Variants in CAMTA1 observed in about 807,000 individuals in gnomAD.
The protein encoded by CAMTA1 is calmodulin binding transcription activator 1.
CAMTA1 carries 27 observed loss-of-function variants against 170.9 expected under a neutral mutation model. The observed-to-expected ratio is 0.16, with a 90% CI of 0.12 to 0.22. CAMTA1 has a LOEUF of 0.22. Among genes scored for constraint, CAMTA1 ranks in the 10% least tolerant of loss-of-function variants. The probability of loss-of-function intolerance (pLI) is 1.00; values close to 1 mark genes in which losing one functional copy is unlikely to be tolerated. For synonymous variants in CAMTA1, 833 were observed against 891.5 expected (o/e 0.93, Z 1.17); for missense variants, 1,619 against 2,217.2 (o/e 0.73, Z 5.42).
chr1:7,272,003 G>A (rs1041654024), intron 5 of CAMTA1, among the ~76,000 whole-genome samples: 1 of 151,992 alleles, frequency 6.6e-6, no homozygotes, highest in Admixed American at 6.6e-5. Context: ...TGAATTCCCT[G>A]GTGAATTCTA....
intron 6 of CAMTA1, among the ~76,000 whole-genome samples, chr1:7,496,077 C>T (rs113444384): frequency 2.6e-5 from 4 of 152,162 alleles, no homozygotes; most frequent in African/African-American, 7.2e-5. Context: ...CGGAGGGGAG[C>T]GGCCTGTGCA....
chr1:6,874,653 A>G (rs1191994452), intron 3 of CAMTA1, among the ~76,000 whole-genome samples: 2 of 152,218 alleles, frequency 1.3e-5, no homozygotes, highest in African/African-American at 4.8e-5. Flanking sequence ...AACAGATGCA[A>G]GTTCAGGTGC....
chr1:7,275,277 A>G lies in CAMTA1; in HGVS notation c.438+25651A>G, dbSNP rs553825247. On this transcript the variant is annotated intron_variant, in intron 5 of 22. Transcript: ENST00000303635. Reference sequence around the variant, plus strand: ...ATTTATAGTTTGAAGTGCTTACACTATATTTACATTAAAATCAGTAAATGT... The same window carrying G: ...ATTTATAGTTTGAAGTGCTTACACTGTATTTACATTAAAATCAGTAAATGT... Among the ~76,000 whole-genome samples, 15 of 152,210 alleles carry G rather than the reference A, an allele frequency of 9.9e-5. No homozygotes were observed. In the South Asian group the frequency reaches 2.7e-3, roughly 27 times the overall value.
intron 4 of CAMTA1, among the ~76,000 whole-genome samples, chr1:7,246,666 C>G (rs1281545195): frequency 1.6e-5 from 2 of 122,630 alleles, no homozygotes; most frequent in Non-Finnish European, 3.4e-5. Flanking sequence ...CCAGCTCTGA[C>G]CTGCTTTTTT....
intron 3 of CAMTA1, among the ~76,000 whole-genome samples, chr1:6,996,583 C>G (rs1201341134): frequency 6.6e-6 from 1 of 152,058 alleles, no homozygotes; most frequent in East Asian, 1.9e-4. Flanking sequence ...TTAACCCAAG[C>G]TCTCCTCTGA....
intron 6 of CAMTA1, among the ~76,000 whole-genome samples, chr1:7,497,592 G>A (rs560584224): frequency 1.3e-5 from 2 of 152,298 alleles, no homozygotes; most frequent in East Asian, 1.9e-4. Flanking sequence ...AATCTCTCAC[G>A]TCACATTGCG....
Position 7,740,584 on chromosome 1 carries a change from G to A in CAMTA1, c.4182+2102G>A, listed in dbSNP as rs140183515. ...ACTAGACCTTCCCACAGTGGTGGAC[G>A]TGCCTTCTATCCATACCACGCACCG... On this transcript the variant is annotated intron_variant, in intron 16 of 22. Transcript: ENST00000303635. Among the ~76,000 whole-genome samples the A allele has an allele frequency of 2.1e-3, 323 of 152,352 alleles. 1 individual carries two copies. Among genetic ancestry groups the A allele is most frequent in the African/African-American group, 7.5e-3 (311 of 41,584 alleles).
chr1:7,512,833 C>T (rs1396099954), intron 6 of CAMTA1, among the ~76,000 whole-genome samples: 3 of 152,064 alleles, frequency 2.0e-5, no homozygotes, highest in African/African-American at 7.2e-5. Flanking sequence ...AGGGAGGGAG[C>T]CAGGAGAAGA....
chr1:7,503,446 G>A (rs2149814903), intron 6 of CAMTA1, among the ~76,000 whole-genome samples: 1 of 152,338 alleles, frequency 6.6e-6, no homozygotes, highest in South Asian at 2.1e-4. Flanking sequence ...AGAGGACCAT[G>A]GAGTTGGCCT....
intron 6 of CAMTA1, among the ~76,000 whole-genome samples, chr1:7,536,242 C>G (rs2094547373): frequency 6.6e-6 from 1 of 152,210 alleles, no homozygotes; most frequent in African/African-American, 2.4e-5. Flanking sequence ...GTCTGGCTCC[C>G]AGAGGGGCAG....
Position 7,401,333 on chromosome 1 carries a change from T to C in CAMTA1, c.439-66497T>C, listed in dbSNP as rs369863105. On this transcript the variant is annotated intron_variant, in intron 5 of 22. Transcript: ENST00000303635. ...TCAATTGGTCATATATGTGTGATTC[T>C]GTTTCTAGACTAGTTCATTGATAAC... Among the ~76,000 whole-genome samples the C allele has an allele frequency of 2.5e-4, 38 of 152,364 alleles. 1 individual carries two copies. Among genetic ancestry groups the C allele is most frequent in the African/African-American group, 8.9e-4 (37 of 41,594 alleles).
chr1:7,738,531 T>C lies in CAMTA1; in HGVS notation c.4182+49T>C. 1 of 1,567,204 alleles carries C rather than the reference T, an allele frequency of 6.4e-7. No individual in the cohort carries two copies. Among genetic ancestry groups the C allele is most frequent in the Non-Finnish European group, 8.7e-7 (1 of 1,153,898 alleles). ...CCCGCAGAGGCTGGTGCGTTCCAGT[T>C]GCTGTGATCTTTATGGTCCATTTCC... On this transcript the variant is annotated intron_variant, in intron 16 of 22. Coordinates refer to ENST00000303635, the MANE Select transcript of CAMTA1 (RefSeq NM_015215.4). This position sits in a 1 kb window ranked among gnomAD's most constrained non-coding sequence, Gnocchi z 4.9.
chr1:6,932,821 T>C (rs1278078367), intron 3 of CAMTA1, among the ~76,000 whole-genome samples: 1 of 152,250 alleles, frequency 6.6e-6, no homozygotes, highest in Non-Finnish European at 1.5e-5. Context: ...AAATCTTTTG[T>C]CCTTTAAAAA....
intron 3 of CAMTA1, among the ~76,000 whole-genome samples, chr1:6,932,360 C>G (rs891971706): frequency 2.6e-5 from 4 of 152,160 alleles, no homozygotes; most frequent in African/African-American, 9.7e-5. Context: ...TAATTCATTT[C>G]TTTTCATTGC....
At chr1:7,760,626 G>T (rs1212133494) in intron 22 of CAMTA1, among the ~76,000 whole-genome samples, 1 of 152,226 alleles carries the variant, frequency 6.6e-6, no homozygotes, top group African/African-American at 2.4e-5. Context: ...TTGGAACACA[G>T]TGGTGTGTGT....
chr1:7,340,601 C>G (rs1056239825), intron 5 of CAMTA1, among the ~76,000 whole-genome samples: 1 of 140,734 alleles, frequency 7.1e-6, no homozygotes. Flanking sequence ...TTCCTGGCTT[C>G]CATCCGTCAC....
intron 4 of CAMTA1, among the ~76,000 whole-genome samples, chr1:7,160,980 C>T (rs983043622): frequency 1.3e-5 from 2 of 152,212 alleles, no homozygotes; most frequent in African/African-American, 2.4e-5. Flanking sequence ...TTCTTAAGCC[C>T]ATCTGAGTTC....
intron 16 of CAMTA1, among the ~76,000 whole-genome samples, chr1:7,740,231 A>G (rs2150036391): frequency 6.6e-6 from 1 of 152,366 alleles, no homozygotes; most frequent in Non-Finnish European, 1.5e-5. Context: ...CCAAGTAGTG[A>G]ATATTTTTAG....
At position 7,744,927 on chromosome 1, in the gene CAMTA1, G is replaced by A. The variant is rs1248599522; in HGVS notation, c.4275G>A (p.Leu1425=). 6.2e-7 allele frequency: 1 copy of A among 1,614,130 alleles called. No homozygotes were observed. The highest frequency in any genetic ancestry group is 8.5e-7 in the Non-Finnish European group (1 of 1,180,020). The change falls in exon 17 of 23, where the codon TTG becomes TTA. Residue 1425 remains leucine, a synonymous_variant. Transcript: ENST00000303635. ...TTGTGCCCATGGAGTCCTCAGGATT[G>A]GAAAGAACAGACCCTGCCACCATTA... ...ENFVPMESSG[L]ERTDPATISS...
Sources: allele counts gnomAD v4.1 joint callset (sites outside exome capture counted in the v4.1 genomes callset), GRCh38; gene constraint gnomAD v4.1.1; non-coding constraint Gnocchi (gnomAD v3.1); transcripts MANE v1.5; gene names NCBI Gene and HGNC (gene_info 2026-07-23, HGNC 2026-07-21).